Variants in RTN4R observed in about 807,000 individuals in gnomAD.
RTN4R encodes reticulon-4 receptor.
Under a neutral mutation model 27.7 loss-of-function variants are expected in RTN4R, and 4 were observed. The observed-to-expected ratio is 0.14, with a 90% CI of 0.07 to 0.33. The LOEUF is 0.33. RTN4R is among the 10% of genes least tolerant of loss of function. The pLI is 1.00. For synonymous variants in RTN4R, 290 were observed against 305.6 expected (o/e 0.95, Z 0.53); for missense variants, 554 against 671.5 (o/e 0.83, Z 1.93).
chr22:20,262,253 T>C lies in RTN4R; in HGVS notation c.22+5818A>G, dbSNP rs146194573. On this transcript the variant is annotated intron_variant, in intron 1 of 1. Transcript: ENST00000043402. ...GCTGGATCTGGAGGCCCAAGGTGTG[T>C]AGTGTGGGGAGCTGTGTGTGCAGGA... Among the ~76,000 whole-genome samples, 1,317 of 152,206 alleles carry C rather than the reference T, an allele frequency of 8.7e-3. 25 individuals carry two copies. Among genetic ancestry groups the C allele is most frequent in the African/African-American group, 0.03 (1,255 of 41,508 alleles).
At chr22:20,247,153 A>G (rs1325608461) in intron 1 of RTN4R, among the ~76,000 whole-genome samples, 1 of 150,568 alleles carries the variant, frequency 6.6e-6, no homozygotes, top group Non-Finnish European at 1.5e-5. Context: ...GGGAATCTCC[A>G]GGGAGGCTCT....
intron 1 of RTN4R, chr22:20,243,375 A>G (rs1406948566): frequency 1.4e-6 from 1 of 692,138 alleles, no homozygotes; most frequent in Non-Finnish European, 2.7e-6. Context: ...CACACCCAGG[A>G]GCAGCCCACT....
chr22:20,260,413 C>T (rs954537326), intron 1 of RTN4R, among the ~76,000 whole-genome samples: 5 of 152,234 alleles, frequency 3.3e-5, no homozygotes, highest in South Asian at 4.1e-4. Flanking sequence ...TGGGAGGGAA[C>T]GTTGCTGGGC....
intron 1 of RTN4R, among the ~76,000 whole-genome samples, chr22:20,244,444 C>A (rs1020432269): frequency 2.0e-5 from 3 of 152,232 alleles, no homozygotes; most frequent in African/African-American, 7.2e-5. Context: ...TGCGTCCTCC[C>A]AGACTCAGGT....
At chr22:20,263,718 C>A (rs73879311) in intron 1 of RTN4R, among the ~76,000 whole-genome samples, 1 of 152,254 alleles carries the variant, frequency 6.6e-6, no homozygotes, top group Non-Finnish European at 1.5e-5. Flanking sequence ...TGTGCCCACT[C>A]AGCCCCTCCT....
rs562719356 is a variant in RTN4R at position 20,262,035 on chromosome 22, C to T, written c.22+6036G>A. Among the ~76,000 whole-genome samples the T allele has an allele frequency of 7.2e-5, 11 of 152,302 alleles. No homozygotes were observed. The South Asian group carries it at 1.0e-3, about 14-fold the overall frequency. The stretch of plus-strand genomic sequence containing the variant: ...GGGAACAAGATGGTAGGCAGGGAGC[C>T]GGGGCCGGCTGTGGCCACAGGCCGG... On this transcript the variant is annotated intron_variant, in intron 1 of 1. Coordinates refer to ENST00000043402, the MANE Select transcript of RTN4R (RefSeq NM_023004.6).
Position 20,241,956 on chromosome 22 carries a change from G to A in RTN4R, c.1177C>T (p.Pro393Ser), listed in dbSNP as rs1315149608. Reference sequence around the variant, plus strand: ...TCGGGCCGCACTGCAGTGAGCGGGGGCTCAGCAGAGCCAGGCAGAGTCCCA... The same window carrying A: ...TCGGGCCGCACTGCAGTGAGCGGGGACTCAGCAGAGCCAGGCAGAGTCCCA... ...PFGTLPGSAEPPLTAVRPEGS... is the reference protein window; with the variant it reads ...PFGTLPGSAESPLTAVRPEGS... The change falls in exon 2 of 2, where the codon CCC becomes TCC. Residue 393 changes from proline (P) to serine (S), a missense_variant. Transcript: ENST00000043402. 5 of 1,609,056 alleles carry A rather than the reference G, an allele frequency of 3.1e-6. No homozygotes were observed. The highest frequency in any genetic ancestry group is 1.3e-5 in the African/African-American group (1 of 75,058).
chr22:20,242,384 C>T lies in RTN4R; in HGVS notation c.749G>A (p.Arg250His), dbSNP rs768329971. Residue 250 changes from arginine to histidine, a missense_variant, in exon 2 of 2, where the codon CGT becomes CAT. Coordinates refer to ENST00000043402, the MANE Select transcript of RTN4R (RefSeq NM_023004.6). ...GTTGAGCCTCAGGTACTGCAGGGCA[C>T]GCAGGGGGGCCAGGGCCTCAGTGGG... Reference protein sequence around the residue: ...ALPTEALAPLRALQYLRLNDN... With the variant: ...ALPTEALAPLHALQYLRLNDN... 12 of 1,612,906 alleles carry T rather than the reference C, an allele frequency of 7.4e-6. No individual in the cohort carries two copies. The highest frequency in any genetic ancestry group is 1.7e-4 in the Middle Eastern group (1 of 6,050).
At chr22:20,243,175 C>G (rs1212957155) in intron 1 of RTN4R, 65 bp from the exon 2 acceptor site, 36 of 1,530,938 alleles carry the variant, frequency 2.4e-5, no homozygotes, top group Non-Finnish European at 3.2e-5. Context: ...GGAGGTTTTG[C>G]TAGAGCCAGG....
intron 1 of RTN4R, among the ~76,000 whole-genome samples, chr22:20,257,559 T>C (rs1454908077): frequency 1.3e-5 from 2 of 152,246 alleles, no homozygotes; most frequent in Admixed American, 6.5e-5. Flanking sequence ...AACCAGCCCA[T>C]GCTGGCACCC....
chr22:20,243,227 T>A (rs1602637353), intron 1 of RTN4R, 117 bp from the exon 2 acceptor site: 3 of 1,029,592 alleles, frequency 2.9e-6, no homozygotes, highest in Non-Finnish European at 4.3e-6. Context: ...TGGGGCTGGG[T>A]CCAAGATGTG....
chr22:20,259,749 G>T (rs74933079), intron 1 of RTN4R, among the ~76,000 whole-genome samples: 1 of 152,094 alleles, frequency 6.6e-6, no homozygotes, highest in Non-Finnish European at 1.5e-5. Flanking sequence ...TTTCATGAGC[G>T]GTCAATGTGG....
chr22:20,243,720 C>T (rs947700283), intron 1 of RTN4R: 9 of 360,488 alleles, frequency 2.5e-5, no homozygotes, highest in East Asian at 2.5e-4. Context: ...TTGGCAGGAA[C>T]CCTCCTGAAG....
rs1194137249 is a variant in RTN4R, at chr22:20,268,095, T to C, written c.-3A>G. ...CCTCCAGCGGACGCCCTCTTCATCGTAGGGGTTGGGCGGGGCGCGTCGGGG... is the reference window on the plus strand; with the variant it reads ...CCTCCAGCGGACGCCCTCTTCATCGCAGGGGTTGGGCGGGGCGCGTCGGGG... On this transcript the variant is annotated 5_prime_UTR_variant, in exon 1 of 2. Transcript: ENST00000043402. 5 of 1,184,142 alleles carry C rather than the reference T, an allele frequency of 4.2e-6. No homozygotes were observed. Among genetic ancestry groups the C allele is most frequent in the East Asian group, 4.2e-5 (1 of 23,982 alleles). 73.4% of individuals were successfully genotyped at this position (1,184,142 alleles called of 1,614,324 possible).
intron 1 of RTN4R, 29 bp downstream of exon 1, chr22:20,268,042 C>G: frequency 1.7e-6 from 2 of 1,158,980 alleles, no homozygotes; most frequent in Non-Finnish European, 2.1e-6. Context: ...CCGCCGCCGG[C>G]CGGGCTCGGG....
At chr22:20,247,431 G>A (rs1437218901) in intron 1 of RTN4R, among the ~76,000 whole-genome samples, 2 of 151,648 alleles carry the variant, frequency 1.3e-5, no homozygotes, top group South Asian at 2.1e-4. Context: ...CCCCTCCCAC[G>A]CCTGCTCCCC....
intron 1 of RTN4R, among the ~76,000 whole-genome samples, chr22:20,254,079 A>T (rs928292774): frequency 7.2e-5 from 11 of 152,238 alleles, no homozygotes; most frequent in Middle Eastern, 6.8e-3. Flanking sequence ...GTGCACTTTC[A>T]GGCCCCCAGG....
chr22:20,258,481 G>C (rs1039503225), intron 1 of RTN4R, among the ~76,000 whole-genome samples: 2 of 152,258 alleles, frequency 1.3e-5, no homozygotes, highest in Non-Finnish European at 2.9e-5. Context: ...ACTCAGGCAG[G>C]GAGGGGCACA....
At position 20,242,631 on chromosome 22, in the gene RTN4R, C is replaced by T. The variant is rs2051115279; in HGVS notation, c.502G>A (p.Ala168Thr). The stretch of plus-strand genomic sequence containing the variant: ...TCGCGGAAGGTGTCATCAGGCAGTG[C>T]CTGCAGCGCGTTGTCCTGCAGGTAG... Reference protein sequence around the residue: ...YLYLQDNALQALPDDTFRDLG... With the variant: ...YLYLQDNALQTLPDDTFRDLG... Residue 168 changes from alanine (A) to threonine (T), a missense_variant, in exon 2 of 2, where the codon GCA (alanine) becomes ACA (threonine). Ala to Thr is a moderately conservative substitution (Grantham distance 58). This residue lies in a region of RTN4R where 413 missense variants were observed against 542.3 expected (regional missense o/e 0.76). Coordinates refer to ENST00000043402, the MANE Select transcript of RTN4R (RefSeq NM_023004.6). 1 of 1,612,352 alleles carries T rather than the reference C, an allele frequency of 6.2e-7. No individual in the cohort carries two copies. Among genetic ancestry groups the T allele is most frequent in the Admixed American group, 1.7e-5 (1 of 59,930 alleles).
Sources: gnomAD v4.1 joint callset for allele counts (sites outside exome capture counted in the v4.1 genomes callset) on GRCh38, gnomAD v4.1.1 for gene constraint, gnomAD v4.1.1 regional missense constraint, MANE v1.5 for transcripts, NCBI Gene and HGNC (gene_info 2026-07-23, HGNC 2026-07-21) for gene names.